SRGAP3: variants seen among roughly 807,000 people sequenced by gnomAD.
The protein encoded by SRGAP3 is SLIT-ROBO Rho GTPase activating protein 3, also known as SLIT-ROBO Rho GTPase-activating protein 3.
Under a neutral mutation model 121.1 loss-of-function variants are expected in SRGAP3, and 39 were observed. That is an observed-to-expected ratio of 0.32 (90% CI 0.25 to 0.42). The LOEUF (loss-of-function observed/expected upper bound fraction) is 0.42, where lower values mean the gene tolerates loss of function less well. Ranked by LOEUF, SRGAP3 falls within the 10% of genes least tolerant of loss-of-function variation. The pLI, the probability that SRGAP3 is intolerant of heterozygous loss-of-function variation, is 1.00. For synonymous variants in SRGAP3, 601 were observed against 570.0 expected, an observed-to-expected ratio of 1.05 and a Z score of -0.77; for missense variants, 1,213 against 1,470.6, an observed-to-expected ratio of 0.82 and a Z score of 2.86.
chr3:9,274,292 C>T (rs1954531758), intron 3 of SRGAP3, among the ~76,000 whole-genome samples: 1 of 152,226 alleles, frequency 6.6e-6, no homozygotes, highest in African/African-American at 2.4e-5. Flanking sequence ...TTCCCTGACC[C>T]CTTCACAAGT....
intron 1 of SRGAP3, among the ~76,000 whole-genome samples, chr3:9,172,561 C>T (rs1951023513): frequency 1.3e-5 from 2 of 152,194 alleles, no homozygotes; most frequent in Non-Finnish European, 2.9e-5. Context: ...GTGCTCAGAG[C>T]CTGGATCCCC....
At position 9,288,638 on chromosome 3, in the gene SRGAP3, G is replaced by A. The variant is rs144010732; in HGVS notation, n.442+37372C>T. Among the ~76,000 whole-genome samples the A allele has an allele frequency of 2.2e-3, 332 of 149,412 alleles. 2 individuals are homozygous for A. The highest frequency in any genetic ancestry group is 0.021 in the Middle Eastern group (6 of 282). ...TCACCCAGGCTGGAGTACAGTGTGT[G>A]ATCAGAGCTTACTGCAGCCTCCAAC... is the stretch of plus-strand genomic sequence containing the variant. On this transcript the variant is annotated intron_variant and non_coding_transcript_variant, in intron 3 of 3. Coordinates refer to the SRGAP3 transcript ENST00000490889.
intron 10 of SRGAP3, among the ~76,000 whole-genome samples, chr3:9,043,448 A>G (rs1265899947): frequency 2.0e-5 from 3 of 152,128 alleles, no homozygotes; most frequent in Admixed American, 6.6e-5. Flanking sequence ...GCGCTCTTGG[A>G]TAGATGGGTG....
intron 3 of SRGAP3, among the ~76,000 whole-genome samples, chr3:9,307,391 T>G (rs1955177026): frequency 6.6e-6 from 1 of 152,186 alleles, no homozygotes; most frequent in Non-Finnish European, 1.5e-5. Context: ...GCTGATGGCA[T>G]GAAATCACCT....
At chr3:8,996,193 T>C (rs1420446944) in intron 18 of SRGAP3, among the ~76,000 whole-genome samples, 2 of 152,234 alleles carry the variant, frequency 1.3e-5, no homozygotes, top group African/African-American at 4.8e-5. Context: ...CATGAAGTGC[T>C]TGCAACAGTG....
At chr3:8,992,726 G>T in intron 20 of SRGAP3, 180 bp downstream of exon 20, 1 of 975,196 alleles carries the variant, frequency 1.0e-6, no homozygotes. Context: ...AGGCTGGATG[G>T]TTCTATACCT....
At chr3:9,275,675 T>A (rs1265170549) in intron 3 of SRGAP3, among the ~76,000 whole-genome samples, 5 of 152,172 alleles carry the variant, frequency 3.3e-5, no homozygotes, top group African/African-American at 4.8e-5. Flanking sequence ...TGGCTCTCAT[T>A]CTCTCTTACC....
At chr3:9,013,713 G>A in intron 16 of SRGAP3, 24 bp downstream of exon 16, 1 of 1,613,158 alleles carries the variant, frequency 6.2e-7, no homozygotes, top group South Asian at 1.1e-5. Flanking sequence ...GAGTCAAAAA[G>A]GGGCCCCTTG....
intron 3 of SRGAP3, among the ~76,000 whole-genome samples, chr3:9,102,126 G>A (rs1948240390): frequency 6.6e-6 from 1 of 152,224 alleles, no homozygotes; most frequent in Non-Finnish European, 1.5e-5. Flanking sequence ...AGAGCCCTAG[G>A]ACCCCAGCTC....
At chr3:9,113,204 G>C (rs1948693104) in intron 2 of SRGAP3, among the ~76,000 whole-genome samples, 1 of 152,156 alleles carries the variant, frequency 6.6e-6, no homozygotes, top group African/African-American at 2.4e-5. Context: ...CAGACAACAG[G>C]TATGTGTTGT....
At chr3:9,177,863 T>C (rs1337930771) in intron 1 of SRGAP3, among the ~76,000 whole-genome samples, 1 of 152,126 alleles carries the variant, frequency 6.6e-6, no homozygotes, top group Non-Finnish European at 1.5e-5. Flanking sequence ...GCCATAGGGA[T>C]AGACCCAGAG....
At chr3:9,177,964 T>C (rs1347047392) in intron 1 of SRGAP3, among the ~76,000 whole-genome samples, 1 of 152,164 alleles carries the variant, frequency 6.6e-6, no homozygotes, top group Non-Finnish European at 1.5e-5. Context: ...CAGGTTGATA[T>C]GCCTGAAGAA....
At chr3:9,315,775 T>C (rs1955334533) in intron 3 of SRGAP3, among the ~76,000 whole-genome samples, 1 of 152,110 alleles carries the variant, frequency 6.6e-6, no homozygotes, top group East Asian at 1.9e-4. Flanking sequence ...TAAATGATGA[T>C]AATGATTTTT....
intron 1 of SRGAP3, among the ~76,000 whole-genome samples, chr3:9,210,123 T>C (rs1411388296): frequency 1.3e-5 from 2 of 151,158 alleles, no homozygotes; most frequent in African/African-American, 2.4e-5. Flanking sequence ...AGGCAGAAAA[T>C]AGACTGTGGT....
At chr3:9,057,143 G>A (rs1056333693) in intron 7 of SRGAP3, among the ~76,000 whole-genome samples, 1 of 152,128 alleles carries the variant, frequency 6.6e-6, no homozygotes, top group African/African-American at 2.4e-5. Flanking sequence ...TGGCCAGGCT[G>A]GTCTTGAACT....
At chr3:9,360,979 T>C (rs1305519241) in intron 1 of SRGAP3, among the ~76,000 whole-genome samples, 1 of 152,264 alleles carries the variant, frequency 6.6e-6, no homozygotes. Context: ...TTAGTCATTT[T>C]GATGAGTATC....
intron 1 of SRGAP3, chr3:9,349,730 T>A (rs35291207): frequency 0.084 from 12,797 of 152,532 alleles, 685 homozygotes; most frequent in Admixed American, 0.16. Flanking sequence ...GTATAGTATA[T>A]ATAAATAATA....
At chr3:9,060,947 A>G (rs373809330) in intron 5 of SRGAP3, among the ~76,000 whole-genome samples, 5 of 152,132 alleles carry the variant, frequency 3.3e-5, no homozygotes, top group South Asian at 2.1e-4. Context: ...GGGTGTAAAT[A>G]AGATCCCTGG....
intron 3 of SRGAP3, among the ~76,000 whole-genome samples, chr3:9,293,711 G>A (rs1954905365): frequency 3.3e-5 from 5 of 152,082 alleles, no homozygotes. Context: ...AGACATACAT[G>A]CAGCCAACAA....
Sources: allele counts gnomAD v4.1 joint callset (sites outside exome capture counted in the v4.1 genomes callset), GRCh38; gene constraint gnomAD v4.1.1; transcripts MANE v1.5; gene names NCBI Gene and HGNC (gene_info 2026-07-23, HGNC 2026-07-21).